The following IMMP2L variants were observed in gnomAD, a reference collection of about 807,000 sequenced individuals.
The protein encoded by IMMP2L is mitochondrial inner membrane protease subunit 2.
Under a neutral mutation model 19.3 loss-of-function variants are expected in IMMP2L, and 18 were observed. That is an observed-to-expected ratio of 0.93 (90% CI 0.64 to 1.38). The LOEUF (loss-of-function observed/expected upper bound fraction) is 1.38, where lower values mean the gene tolerates loss of function less well. Ranked by LOEUF, IMMP2L falls within the 40% of genes most tolerant of loss-of-function variation. IMMP2L has a pLI of 0.00. For missense variants in IMMP2L, 233 were observed against 218.2 expected (o/e 1.07, Z -0.43); for synonymous variants, 76 against 73.0 (o/e 1.04, Z -0.21).
intron 3 of IMMP2L, among the ~76,000 whole-genome samples, chr7:111,129,621 T>A (rs2129593136): frequency 6.6e-6 from 1 of 152,176 alleles, no homozygotes; most frequent in African/African-American, 2.4e-5. Flanking sequence ...ACTACAGCGT[T>A]GTACTGGAAT....
chr7:111,123,341 T>C lies in IMMP2L; in HGVS notation c.240-159776A>G. On this transcript the variant is annotated intron_variant, in intron 3 of 5. Transcript: ENST00000405709. This position sits in a 1 kb window ranked among gnomAD's most constrained non-coding sequence, Gnocchi z 6.4. ...AAGTGGTTTGATGCTCTTCCAAATC[T>C]AGAGATTCTGATGATTGGGGAAAAT... 2.5e-6 allele frequency: 4 copies of C among 1,613,770 alleles called. No individual in the cohort carries two copies. The highest frequency in any genetic ancestry group is 3.4e-6 in the Non-Finnish European group (4 of 1,179,868).
At chr7:111,068,601 C>A (rs12674347) in intron 3 of IMMP2L, among the ~76,000 whole-genome samples, 114,136 of 152,078 alleles carry the variant, frequency 0.75, 44,980 homozygotes, top group East Asian at 0.87. Context: ...GAAGAATATC[C>A]AGTAATAAAT....
intron 5 of IMMP2L, among the ~76,000 whole-genome samples, chr7:110,843,883 G>A (rs1465879689): frequency 2.0e-5 from 3 of 152,122 alleles, no homozygotes; most frequent in African/African-American, 7.2e-5. Context: ...GGCAGAGAGG[G>A]TGGCCAGGGT....
At chr7:111,044,029 T>C (rs1792143234) in intron 3 of IMMP2L, among the ~76,000 whole-genome samples, 1 of 152,216 alleles carries the variant, frequency 6.6e-6, no homozygotes, top group African/African-American at 2.4e-5. Context: ...ATTCTTGTCA[T>C]TTCAGTATCA....
chr7:111,492,487 T>C, intron 2 of IMMP2L: 5 of 528,666 alleles, frequency 9.5e-6, no homozygotes, highest in Non-Finnish European at 1.2e-5. Context: ...GTCAAAGTCC[T>C]TATCTGATGG....
chr7:111,237,492 C>G (rs1814473304), intron 3 of IMMP2L, among the ~76,000 whole-genome samples: 1 of 151,614 alleles, frequency 6.6e-6, no homozygotes, highest in African/African-American at 2.4e-5. Context: ...CATAGTATAA[C>G]TAAGATAAAC....
At chr7:111,500,033 G>A (rs1844021213) in intron 2 of IMMP2L, among the ~76,000 whole-genome samples, 1 of 152,140 alleles carries the variant, frequency 6.6e-6, no homozygotes, top group Non-Finnish European at 1.5e-5. Flanking sequence ...AGCACAAGGG[G>A]TCAGGGAGTT....
intron 5 of IMMP2L, among the ~76,000 whole-genome samples, chr7:110,686,224 G>A (rs1793100844): frequency 6.6e-6 from 1 of 152,000 alleles, no homozygotes; most frequent in Admixed American, 6.6e-5. Flanking sequence ...AAGATAAGTA[G>A]CTACCCTATT....
In IMMP2L at chr7:110,972,263, G is replaced by A. The variant is rs541276439; in HGVS notation, c.240-8698C>T. 2.0e-5 allele frequency among the ~76,000 whole-genome samples: 3 copies of A among 151,986 alleles called. No individual in the cohort carries two copies. In the South Asian group the frequency reaches 6.2e-4, roughly 32 times the overall value. On this transcript the variant is annotated intron_variant, in intron 3 of 5. Coordinates refer to ENST00000405709, the MANE Select transcript of IMMP2L (RefSeq NM_032549.4). ...TACCATTTATTTGCTCAGCTTGACA[G>A]CCACTCATTCAGCTAGCTCCAGTTG...
intron 5 of IMMP2L, among the ~76,000 whole-genome samples, chr7:110,876,430 C>T (rs1809072491): frequency 6.6e-6 from 1 of 152,088 alleles, no homozygotes; most frequent in African/African-American, 2.4e-5. Context: ...ACTGGATTGC[C>T]ACTCCCAATG....
At chr7:110,795,355 G>A (rs1461123460) in intron 5 of IMMP2L, among the ~76,000 whole-genome samples, 1 of 151,952 alleles carries the variant, frequency 6.6e-6, no homozygotes, top group Non-Finnish European at 1.5e-5. Context: ...CAAGATTGGT[G>A]TTTTAAAAAA....
chr7:111,196,811 G>A (rs963903862), intron 3 of IMMP2L, among the ~76,000 whole-genome samples: 2 of 151,876 alleles, frequency 1.3e-5, no homozygotes, highest in African/African-American at 2.4e-5. Flanking sequence ...TTACGTAAAC[G>A]CTCTCATACT....
intron 5 of IMMP2L, among the ~76,000 whole-genome samples, chr7:110,812,569 G>T (rs1003465316): frequency 2.6e-5 from 4 of 152,050 alleles, no homozygotes; most frequent in African/African-American, 9.7e-5. Context: ...CAAGGCATAT[G>T]TTGGTTCTAA....
At chr7:111,472,442 A>ATAC (rs1424559990) in intron 3 of IMMP2L, among the ~76,000 whole-genome samples, 2 of 152,156 alleles carry the variant, frequency 1.3e-5, no homozygotes, top group Non-Finnish European at 2.9e-5. Context: ...ATATGATGAT[A>ATAC]TACTGTATTT....
At chr7:110,963,082 C>T in intron 4 of IMMP2L, 1 of 1,526,832 alleles carries the variant, frequency 6.5e-7, no homozygotes, top group Non-Finnish European at 8.8e-7. Flanking sequence ...TTTCAGTTTT[C>T]TCCCATCTCT....
At chr7:111,363,056 A>G (rs1829412785) in intron 3 of IMMP2L, among the ~76,000 whole-genome samples, 1 of 152,008 alleles carries the variant, frequency 6.6e-6, no homozygotes, top group Non-Finnish European at 1.5e-5. Context: ...TTCCTTCACT[A>G]CTCCAAGTGT....
intron 3 of IMMP2L, among the ~76,000 whole-genome samples, chr7:111,351,549 G>A (rs115749464): frequency 0.02 from 3,023 of 152,182 alleles, 106 homozygotes; most frequent in African/African-American, 0.069. Flanking sequence ...CCAGCTACAG[G>A]AGCAATTCAT....
chr7:111,411,466 A>G, intron 3 of IMMP2L: 2 of 499,542 alleles, frequency 4.0e-6, no homozygotes, highest in Non-Finnish European at 8.0e-6. Context: ...ACCTGAACGA[A>G]GTCACGGGCA....
intron 4 of IMMP2L, among the ~76,000 whole-genome samples, chr7:110,936,820 C>G (rs1816166908): frequency 6.6e-6 from 1 of 152,110 alleles, no homozygotes; most frequent in Non-Finnish European, 1.5e-5. Flanking sequence ...CAATGATAGA[C>G]TAGATAAAGA....
Sources: gnomAD v4.1 joint callset for allele counts (sites outside exome capture counted in the v4.1 genomes callset) on GRCh38, gnomAD v4.1.1 for gene constraint, Gnocchi (gnomAD v3.1) non-coding constraint, MANE v1.5 for transcripts, NCBI Gene and HGNC (gene_info 2026-07-23, HGNC 2026-07-21) for gene names.